The following MAP2 variants were observed in gnomAD, a reference collection of about 807,000 sequenced individuals.
MAP2 encodes microtubule associated protein 2.
A neutral mutation model predicts 137.6 loss-of-function variants in MAP2; 14 were observed. The ratio of observed to expected loss-of-function variants is 0.10; its 90% CI spans 0.07 to 0.16. The LOEUF is 0.16. Among genes scored for constraint, MAP2 ranks in the 10% least tolerant of loss-of-function variants. The pLI is 1.00. For synonymous variants in MAP2, 786 were observed against 782.3 expected (o/e 1.00, Z -0.08); for missense variants, 2,088 against 2,191.5 (o/e 0.95, Z 0.94).
intron 2 of MAP2, among the ~76,000 whole-genome samples, chr2:209,528,905 C>T (rs2064631301): frequency 7.3e-6 from 1 of 137,748 alleles, no homozygotes; most frequent in South Asian, 2.3e-4. Context: ...TATATATACA[C>T]ACATATATAC....
chr2:209,715,324 T>A (rs1231281709), intron 13 of MAP2, among the ~76,000 whole-genome samples: 1 of 152,144 alleles, frequency 6.6e-6, no homozygotes, highest in Non-Finnish European at 1.5e-5. Flanking sequence ...CTCCTATTAC[T>A]TTGATAATTC....
At chr2:209,457,808 A>C (rs988323901) in intron 1 of MAP2, among the ~76,000 whole-genome samples, 10 of 151,852 alleles carry the variant, frequency 6.6e-5, no homozygotes, top group African/African-American at 2.2e-4. Flanking sequence ...TAGTGTAGAT[A>C]CCTGAGTTTC....
intron 3 of MAP2, among the ~76,000 whole-genome samples, chr2:209,591,274 G>T (rs2079162108): frequency 6.6e-6 from 1 of 152,132 alleles, no homozygotes; most frequent in Non-Finnish European, 1.5e-5. Context: ...ATTTTGGATT[G>T]TCACCACTGG....
At chr2:209,681,955 A>G (rs1015146393) in intron 7 of MAP2, among the ~76,000 whole-genome samples, 3 of 151,626 alleles carry the variant, frequency 2.0e-5, no homozygotes, top group African/African-American at 7.3e-5. Context: ...TTTTTTTTCC[A>G]ATTTACTGCC....
chr2:209,675,204 A>G (rs1223065534), intron 5 of MAP2, among the ~76,000 whole-genome samples: 1 of 151,926 alleles, frequency 6.6e-6, no homozygotes, highest in African/African-American at 2.4e-5. Context: ...AATTACTTCA[A>G]AGAAGAAAAA....
chr2:209,560,616 G>A (rs1039998460), intron 2 of MAP2, among the ~76,000 whole-genome samples: 2 of 151,782 alleles, frequency 1.3e-5, no homozygotes, highest in Admixed American at 6.6e-5. Flanking sequence ...AAAGTGCGGG[G>A]ATTACAAACA....
At chr2:209,517,163 T>C (rs2062630285) in intron 2 of MAP2, among the ~76,000 whole-genome samples, 1 of 152,144 alleles carries the variant, frequency 6.6e-6, no homozygotes. Context: ...AACTGCTGTG[T>C]TCCTCTTTCA....
chr2:209,730,683 C>A lies in MAP2; in HGVS notation c.*286C>A. On this transcript the variant is annotated 3_prime_UTR_variant, in exon 16 of 16. Transcript: ENST00000682079. Reference sequence around the variant, plus strand: ...TGGAGTATTATTATTTTAAAAATTGCATTTTTACCTTTCATGTGCCTGAAG... The same window carrying A: ...TGGAGTATTATTATTTTAAAAATTGAATTTTTACCTTTCATGTGCCTGAAG... The A allele has an allele frequency of 3.0e-6, 1 of 335,808 alleles. No homozygotes were observed. Among genetic ancestry groups the A allele is most frequent in the Non-Finnish European group, 5.6e-6 (1 of 179,704 alleles). The allele number at this position is 335,808 out of a possible 1,614,324, so 20.8% of individuals were successfully genotyped here.
In MAP2 at chr2:209,454,522, A is replaced by T. The variant is rs577583861; in HGVS notation, c.-222+30246A>T. ...GGCTAGTTTTTGTATTTTTTAGTAGAGATAGGGTTTCACCATGTTGGCCAG... is the reference window on the plus strand; with the variant it reads ...GGCTAGTTTTTGTATTTTTTAGTAGTGATAGGGTTTCACCATGTTGGCCAG... On this transcript the variant is annotated intron_variant, in intron 1 of 15. Transcript: ENST00000682079. 2.0e-5 allele frequency among the ~76,000 whole-genome samples: 3 copies of T among 151,990 alleles called. No individual in the cohort carries two copies. The South Asian group carries it at 6.3e-4, about 32-fold the overall frequency.
chr2:209,498,502 A>G (rs903981891), intron 1 of MAP2, among the ~76,000 whole-genome samples: 1 of 152,136 alleles, frequency 6.6e-6, no homozygotes, highest in African/African-American at 2.4e-5. Context: ...GAGGGTTCCA[A>G]CTTCACATTT....
At chr2:209,436,136 C>G (rs946772624) in intron 1 of MAP2, among the ~76,000 whole-genome samples, 1 of 149,912 alleles carries the variant, frequency 6.7e-6, no homozygotes, top group Admixed American at 6.7e-5. Flanking sequence ...CATGACTTCA[C>G]AGATTAAGTT....
intron 5 of MAP2, among the ~76,000 whole-genome samples, chr2:209,659,345 C>T (rs1255207749): frequency 1.3e-5 from 2 of 152,036 alleles, no homozygotes; most frequent in African/African-American, 4.8e-5. Context: ...TTTTCTATCA[C>T]AGTTGTGGAT....
intron 5 of MAP2, among the ~76,000 whole-genome samples, chr2:209,675,732 G>C (rs1174781913): frequency 6.6e-6 from 1 of 151,722 alleles, no homozygotes. Context: ...GAGTTGCTCA[G>C]TTATAATTTG....
intron 7 of MAP2, among the ~76,000 whole-genome samples, chr2:209,692,404 T>A (rs367887363): frequency 6.6e-6 from 1 of 151,916 alleles, no homozygotes. Context: ...TTACAATTCC[T>A]TTGCACATTA....
intron 5 of MAP2, among the ~76,000 whole-genome samples, chr2:209,656,322 T>C (rs569166512): frequency 6.6e-6 from 1 of 151,982 alleles, no homozygotes; most frequent in East Asian, 1.9e-4. Context: ...TCGAGACCAG[T>C]CTGGGCAACA....
rs565672185 is a variant in MAP2 at position 209,424,082 on chromosome 2, G to GGCAGCAGCAGCA, written c.-403_-392dup. 2.5e-5 allele frequency: 4 copies of GGCAGCAGCAGCA among 160,488 alleles called. No individual in the cohort carries two copies. Among genetic ancestry groups the GGCAGCAGCAGCA allele is most frequent in the South Asian group, 1.7e-4 (1 of 5,934 alleles). 9.9% of individuals were successfully genotyped at this position (160,488 alleles called of 1,614,324 possible). On this transcript the variant is annotated 5_prime_UTR_variant, in exon 1 of 16. Transcript: ENST00000682079. Reference sequence around the variant, plus strand: ...GGGCGCTCGGGCTGCGCGGGCTCTGGGCAGCAGCAGCAGCAGCAGCAGCAT... The same window carrying GGCAGCAGCAGCA: ...GGGCGCTCGGGCTGCGCGGGCTCTGGGCAGCAGCAGCAGCAGCAGCAGCAGCAGCAGCAGCAT...
chr2:209,539,726 T>G (rs1016491200), intron 2 of MAP2, among the ~76,000 whole-genome samples: 1 of 152,064 alleles, frequency 6.6e-6, no homozygotes, highest in Non-Finnish European at 1.5e-5. Context: ...TTTTTATGTC[T>G]GTGATGATGG....
At chr2:209,480,538 GT>G (rs1708472778) in intron 1 of MAP2, among the ~76,000 whole-genome samples, 1 of 14,894 alleles carries the variant, frequency 6.7e-5, no homozygotes, top group Admixed American at 1.7e-3. Context: ...ATGATCTAAA[GT>G]TTGTTTGTTT....
At chr2:209,581,961 A>G (rs2076521940) in intron 3 of MAP2, among the ~76,000 whole-genome samples, 1 of 152,106 alleles carries the variant, frequency 6.6e-6, no homozygotes, top group African/African-American at 2.4e-5. Flanking sequence ...TTGGGTGATT[A>G]AAGCAGAACA....
Sources: gnomAD v4.1 joint callset for allele counts (sites outside exome capture counted in the v4.1 genomes callset) on GRCh38, gnomAD v4.1.1 for gene constraint, MANE v1.5 for transcripts, NCBI Gene and HGNC (gene_info 2026-07-23, HGNC 2026-07-21) for gene names.